The following SEMA5A variants were observed in gnomAD, a reference collection of about 807,000 sequenced individuals.
SEMA5A encodes semaphorin-5A.
In SEMA5A, 55 loss-of-function variants were observed where a neutral mutation model predicts 135.5. The observed-to-expected ratio is 0.41, with a 90% CI of 0.33 to 0.51. SEMA5A has a LOEUF of 0.51. Ranked by LOEUF, SEMA5A falls within the 20% of genes least tolerant of loss-of-function variation. The pLI, the probability that SEMA5A is intolerant of heterozygous loss-of-function variation, is 0.37. For missense variants in SEMA5A, 1,290 were observed against 1,419.9 expected, an observed-to-expected ratio of 0.91 and a Z score of 1.47; for synonymous variants, 580 against 546.5, an observed-to-expected ratio of 1.06 and a Z score of -0.85.
chr5:9,539,136 G>A (rs893258197), intron 1 of SEMA5A, among the ~76,000 whole-genome samples: 16 of 152,272 alleles, frequency 1.1e-4, no homozygotes, highest in African/African-American at 3.4e-4. Flanking sequence ...CTGCTAGCCC[G>A]AGGCAACCAC....
chr5:9,469,103 G>T (rs1448930883), intron 1 of SEMA5A, among the ~76,000 whole-genome samples: 2 of 152,164 alleles, frequency 1.3e-5, no homozygotes, highest in African/African-American at 4.8e-5. Context: ...CCGCCTCCCA[G>T]ATTCAAGCGA....
chr5:9,440,260 T>G (rs1484132983), intron 1 of SEMA5A, among the ~76,000 whole-genome samples: 3 of 152,182 alleles, frequency 2.0e-5, no homozygotes, highest in Non-Finnish European at 4.4e-5. Context: ...CATAAATCAC[T>G]GACATATTTT....
intron 3 of SEMA5A, among the ~76,000 whole-genome samples, chr5:9,347,554 T>TC (rs1753931092): frequency 6.6e-6 from 1 of 152,176 alleles, no homozygotes. Flanking sequence ...TTTTTTCTTT[T>TC]CTTTTTTTTT....
chr5:9,320,699 C>T (rs1752590720), intron 4 of SEMA5A, among the ~76,000 whole-genome samples: 1 of 152,170 alleles, frequency 6.6e-6, no homozygotes. Context: ...GCCTGGGTGA[C>T]AGAGAGAGAT....
intron 1 of SEMA5A, among the ~76,000 whole-genome samples, chr5:9,528,340 T>G (rs1270465834): frequency 1.3e-5 from 2 of 152,062 alleles, no homozygotes; most frequent in South Asian, 2.1e-4. Context: ...TTCAGGTCCC[T>G]GATTACACAT....
chr5:9,129,528 C>T (rs1401141558), intron 13 of SEMA5A, among the ~76,000 whole-genome samples: 1 of 152,214 alleles, frequency 6.6e-6, no homozygotes, highest in African/African-American at 2.4e-5. Flanking sequence ...GCCTAGAAAG[C>T]AGATCCATGA....
rs567531529 is a variant in SEMA5A at position 9,353,279 on chromosome 5, GGAAA to G, written c.125-15471_125-15468del. On this transcript the variant is annotated intron_variant, in intron 3 of 22. Transcript: ENST00000382496. ...GGGAAGGGAAGCAAAGGAAAGGAAA[GGAAA>G]GGAGGGAAAGGAAGGGAAGGGAAGG... Among the ~76,000 whole-genome samples, 213 of 137,416 alleles carry G rather than the reference GGAAA, an allele frequency of 1.6e-3. 3 individuals carry two copies. The highest frequency in any genetic ancestry group is 5.8e-3 in the African/African-American group (206 of 35,706). 90.2% of individuals were successfully genotyped at this position (137,416 alleles called of 152,430 possible).
chr5:9,312,923 C>T (rs763512467), intron 5 of SEMA5A, among the ~76,000 whole-genome samples: 3 of 152,116 alleles, frequency 2.0e-5, no homozygotes, highest in Non-Finnish European at 2.9e-5. Flanking sequence ...AGAGCTGAGC[C>T]GCCATGTGTG....
At chr5:9,178,440 T>C (rs1457456113) in intron 11 of SEMA5A, among the ~76,000 whole-genome samples, 8 of 151,444 alleles carry the variant, frequency 5.3e-5, no homozygotes, top group Non-Finnish European at 1.0e-4. Context: ...CAAGTGATTC[T>C]CCTGCCTCAG....
At chr5:9,215,137 G>A (rs1038255214) in intron 8 of SEMA5A, among the ~76,000 whole-genome samples, 1 of 152,170 alleles carries the variant, frequency 6.6e-6, no homozygotes, top group African/African-American at 2.4e-5. Flanking sequence ...CCTACCTCAG[G>A]ACTCATGACT....
intron 1 of SEMA5A, among the ~76,000 whole-genome samples, chr5:9,486,064 T>C (rs1029359073): frequency 2.0e-5 from 3 of 151,942 alleles, no homozygotes; most frequent in Non-Finnish European, 2.9e-5. Context: ...ATGTGGTACA[T>C]CTACACCATG....
chr5:9,314,174 C>T (rs767971239), intron 5 of SEMA5A, among the ~76,000 whole-genome samples: 11 of 151,994 alleles, frequency 7.2e-5, no homozygotes, highest in Non-Finnish European at 1.5e-4. Flanking sequence ...ACAAATCAAC[C>T]CCCATGATTT....
In SEMA5A at chr5:9,179,230, A is replaced by G. The variant is rs573842481; in HGVS notation, c.1273+11037T>C. On this transcript the variant is annotated intron_variant, in intron 11 of 22. Coordinates refer to ENST00000382496, the MANE Select transcript of SEMA5A (RefSeq NM_003966.3). ...TGAAGGAGTTATATCAAAAATTTGT[A>G]TCAGGCAGGATCTGTATGAAAAAAG... Among the ~76,000 whole-genome samples, 4 of 152,328 alleles carry G rather than the reference A, an allele frequency of 2.6e-5. No individual in the cohort carries two copies. The East Asian group carries it at 7.7e-4, about 29-fold the overall frequency.
At chr5:9,484,372 T>C (rs1759996804) in intron 1 of SEMA5A, among the ~76,000 whole-genome samples, 2 of 152,172 alleles carry the variant, frequency 1.3e-5, no homozygotes, top group Non-Finnish European at 2.9e-5. Flanking sequence ...TCTCTTTATT[T>C]TAACACACCG....
intron 1 of SEMA5A, among the ~76,000 whole-genome samples, chr5:9,523,790 G>A (rs1353151379): frequency 2.0e-5 from 3 of 152,214 alleles, no homozygotes; most frequent in Non-Finnish European, 4.4e-5. Context: ...TGTCAACAAG[G>A]TGCCACCTCC....
chr5:9,379,086 ATTCT>A (rs1346089064), intron 3 of SEMA5A, among the ~76,000 whole-genome samples: 2 of 152,174 alleles, frequency 1.3e-5, no homozygotes, highest in African/African-American at 4.8e-5. Flanking sequence ...TCCTTAGACT[ATTCT>A]TTCTATTTCC....
intron 5 of SEMA5A, among the ~76,000 whole-genome samples, chr5:9,267,136 C>G (rs1749724078): frequency 6.6e-6 from 1 of 151,456 alleles, no homozygotes; most frequent in African/African-American, 2.4e-5. Context: ...ACATTGCAAA[C>G]AGCAGGATGA....
chr5:9,155,308 A>C (rs899576), intron 11 of SEMA5A, among the ~76,000 whole-genome samples: 122,741 of 152,000 alleles, frequency 0.81, 49,790 homozygotes, highest in East Asian at 0.97. Flanking sequence ...TCTGAGTATT[A>C]ATTTCTGGCC....
intron 10 of SEMA5A, 69 bp from the exon 11 acceptor site, chr5:9,190,540 C>A (rs1745050843): frequency 6.8e-7 from 1 of 1,466,488 alleles, no homozygotes; most frequent in East Asian, 2.3e-5. Flanking sequence ...TGTGGCCACC[C>A]TAGCTGGAAA....
Sources: gnomAD v4.1 joint callset for allele counts (sites outside exome capture counted in the v4.1 genomes callset) on GRCh38, gnomAD v4.1.1 for gene constraint, MANE v1.5 for transcripts, NCBI Gene and HGNC (gene_info 2026-07-23, HGNC 2026-07-21) for gene names.